Variants in NOS1AP observed in about 807,000 individuals in gnomAD.
NOS1AP encodes the protein carboxyl-terminal PDZ ligand of neuronal nitric oxide synthase protein.
In NOS1AP, 21 loss-of-function variants were observed where a neutral mutation model predicts 56.2. The ratio of observed to expected loss-of-function variants is 0.37; its 90% confidence interval spans 0.26 to 0.54. The LOEUF (loss-of-function observed/expected upper bound fraction) is 0.54, where lower values mean the gene tolerates loss of function less well. Ranked by LOEUF, NOS1AP falls within the 20% of genes least tolerant of loss-of-function variation. NOS1AP has a pLI of 0.84. For synonymous variants in NOS1AP, 270 were observed against 274.6 expected (o/e 0.98, Z 0.17); for missense variants, 522 against 657.8 (o/e 0.79, Z 2.26).
chr1:162,288,032 G>A (rs1011654031), intron 3 of NOS1AP, among the ~76,000 whole-genome samples: 8 of 152,170 alleles, frequency 5.3e-5, no homozygotes, highest in South Asian at 2.1e-4. Context: ...CGTGAGTTGG[G>A]GAGAGACAAG....
chr1:162,365,183 C>G (rs928631271), intron 8 of NOS1AP: 1 of 1,439,202 alleles, frequency 6.9e-7, no homozygotes, highest in Non-Finnish European at 9.1e-7. Flanking sequence ...TCATGGCCCT[C>G]CCTTAGGACA....
intron 2 of NOS1AP, among the ~76,000 whole-genome samples, chr1:162,267,535 G>A (rs1213910050): frequency 6.7e-6 from 1 of 150,262 alleles, no homozygotes. Context: ...AAGCCAAGGT[G>A]AGAGGATCAC....
chr1:162,184,810 G>A (rs922080352), intron 2 of NOS1AP, among the ~76,000 whole-genome samples: 5 of 152,224 alleles, frequency 3.3e-5, no homozygotes, highest in Admixed American at 2.6e-4. Context: ...CCTCTTTATT[G>A]TGTTGCAGTG....
chr1:162,192,865 C>T (rs1651687890), intron 2 of NOS1AP, among the ~76,000 whole-genome samples: 1 of 152,106 alleles, frequency 6.6e-6, no homozygotes, highest in Admixed American at 6.5e-5. Context: ...CAGAGCAGAG[C>T]ACATCCTCCC....
intron 1 of NOS1AP, among the ~76,000 whole-genome samples, chr1:162,075,775 T>TC (rs1691753577): frequency 2.9e-5 from 1 of 34,172 alleles, no homozygotes; most frequent in Admixed American, 4.0e-4. Flanking sequence ...CCCAGACTAC[T>TC]TTTTTTTTTG....
chr1:162,254,949 T>G (rs77122351), intron 2 of NOS1AP, among the ~76,000 whole-genome samples: 3,894 of 152,352 alleles, frequency 0.026, 71 homozygotes, highest in Non-Finnish European at 0.037. Flanking sequence ...ATATTCTTTC[T>G]ATTATTCCTT....
intron 2 of NOS1AP, among the ~76,000 whole-genome samples, chr1:162,273,142 A>G (rs960094950): frequency 6.8e-6 from 1 of 147,724 alleles, no homozygotes; most frequent in African/African-American, 2.5e-5. Flanking sequence ...CTGCAGGACA[A>G]CTCTGGAAGC....
chr1:162,199,228 G>A (rs1557829901), intron 2 of NOS1AP, among the ~76,000 whole-genome samples: 1 of 152,266 alleles, frequency 6.6e-6, no homozygotes, highest in East Asian at 1.9e-4. Flanking sequence ...ACTGGATGGA[G>A]GTTTTTACTC....
intron 1 of NOS1AP, among the ~76,000 whole-genome samples, chr1:162,129,870 T>C (rs550491794): frequency 6.6e-6 from 1 of 152,346 alleles, no homozygotes; most frequent in South Asian, 2.1e-4. Flanking sequence ...TTATCTGTGA[T>C]TGATTTATGC....
chr1:162,134,606 T>C (rs954904148), intron 1 of NOS1AP, among the ~76,000 whole-genome samples: 6 of 151,934 alleles, frequency 3.9e-5, no homozygotes, highest in African/African-American at 1.5e-4. Context: ...TAAGGAATCC[T>C]GAAAATTACC....
chr1:162,291,098 T>C (rs1655270437), intron 3 of NOS1AP, among the ~76,000 whole-genome samples: 3 of 151,630 alleles, frequency 2.0e-5, no homozygotes, highest in Non-Finnish European at 2.9e-5. Context: ...TTCCCAATCT[T>C]CTAGAGCAGG....
chr1:162,202,991 T>G (rs1283331129), intron 2 of NOS1AP, among the ~76,000 whole-genome samples: 1 of 152,136 alleles, frequency 6.6e-6, no homozygotes, highest in Non-Finnish European at 1.5e-5. Context: ...TTGGCAGCCT[T>G]TTTTGGTGAT....
At chr1:162,206,743 A>T (rs1250589007) in intron 2 of NOS1AP, among the ~76,000 whole-genome samples, 1 of 152,206 alleles carries the variant, frequency 6.6e-6, no homozygotes, top group African/African-American at 2.4e-5. Context: ...CTGGCACATG[A>T]TATTGTTACC....
At position 162,368,178 on chromosome 1, in the gene NOS1AP, C is replaced by G. The variant is rs1231992620; in HGVS notation, c.*711C>G. On this transcript the variant is annotated 3_prime_UTR_variant, in exon 10 of 10. Coordinates refer to ENST00000361897, the MANE Select transcript of NOS1AP (RefSeq NM_014697.3). ...ATGGTTCAGGCCCTTGGTGTGAGAG[C>G]CCAGGGGGAGGACAGCTTGTCTGCT... 1 of 152,184 alleles carries G rather than the reference C, an allele frequency of 6.6e-6. No homozygotes were observed. Among genetic ancestry groups the G allele is most frequent in the African/African-American group, 2.4e-5 (1 of 41,376 alleles). The allele number at this position is 152,184 out of a possible 1,614,324, so 9.4% of individuals were successfully genotyped here.
intron 1 of NOS1AP, among the ~76,000 whole-genome samples, chr1:162,134,700 T>C (rs1648911327): frequency 6.6e-6 from 1 of 152,154 alleles, no homozygotes; most frequent in South Asian, 2.1e-4. Context: ...CCTCTCCTCC[T>C]ATCCCTGATT....
At chr1:162,127,228 A>C (rs955843845) in intron 1 of NOS1AP, among the ~76,000 whole-genome samples, 10 of 151,790 alleles carry the variant, frequency 6.6e-5, no homozygotes, top group African/African-American at 2.4e-4. Context: ...TTGTCTTTTG[A>C]TCTTACTTAT....
chr1:162,137,763 CAT>C (rs1649065279), intron 1 of NOS1AP, among the ~76,000 whole-genome samples: 1 of 152,088 alleles, frequency 6.6e-6, no homozygotes, highest in Admixed American at 6.5e-5. Flanking sequence ...TACACACACA[CAT>C]GTAATTGGGT....
At position 162,370,016 on chromosome 1, in the gene NOS1AP, A is replaced by C. The variant is rs955243660; in HGVS notation, c.*2549A>C. 2.6e-5 allele frequency: 4 copies of C among 151,970 alleles called. No individual in the cohort carries two copies. Among genetic ancestry groups the C allele is most frequent in the African/African-American group, 2.4e-5 (1 of 41,286 alleles). The allele number at this position is 151,970 out of a possible 1,614,324, so 9.4% of individuals were successfully genotyped here. ...CTGCCTTCCTCTTTTTCATTCTTCT[A>C]CTCTGCCCTATATGGAGGACAAATG... On this transcript the variant is annotated 3_prime_UTR_variant, in exon 10 of 10. Coordinates refer to ENST00000361897, the MANE Select transcript of NOS1AP (RefSeq NM_014697.3).
intron 1 of NOS1AP, among the ~76,000 whole-genome samples, chr1:162,142,479 G>T (rs74125929): frequency 0.14 from 20,554 of 151,556 alleles, 1,735 homozygotes; most frequent in African/African-American, 0.24. Context: ...CAAATGTGGG[G>T]TTTTTTTTGT....
Sources: allele counts gnomAD v4.1 joint callset (sites outside exome capture counted in the v4.1 genomes callset), GRCh38; gene constraint gnomAD v4.1.1; transcripts MANE v1.5; gene names NCBI Gene and HGNC (gene_info 2026-07-23, HGNC 2026-07-21).